The following TANC2 variants were observed in gnomAD, a reference collection of about 807,000 sequenced individuals.
TANC2 encodes the protein protein TANC2.
TANC2 carries 26 observed loss-of-function variants against 210.5 expected under a neutral mutation model. The observed-to-expected ratio is 0.12, with a 90% CI of 0.09 to 0.17. The LOEUF is 0.17. Among genes scored for constraint, TANC2 ranks in the 10% least tolerant of loss-of-function variants. The pLI is 1.00. For missense variants in TANC2, 2,129 were observed against 2,608.9 expected, an observed-to-expected ratio of 0.82 and a Z score of 4.01; for synonymous variants, 931 against 967.1, an observed-to-expected ratio of 0.96 and a Z score of 0.69.
chr17:63,055,988 AAAATATATATATATATATAT>A lies in TANC2; in HGVS notation c.68-17953_68-17934del, dbSNP rs1337649779. On this transcript the variant is annotated intron_variant, in intron 2 of 27. Transcript: ENST00000689528. ...ACCAAAAAAAAAAAAAAAAAAAAAA[AAAATATATATATATATATAT>A]ATATATATATATATATGCCAGGGGT... Among the ~76,000 whole-genome samples, 58 of 8,972 alleles carry A rather than the reference AAAATATATATATATATATAT, an allele frequency of 6.5e-3. No homozygotes were observed. In the East Asian group the frequency reaches 0.21, roughly 32 times the overall value. 5.9% of individuals were successfully genotyped at this position (8,972 alleles called of 152,430 possible). A position where few individuals can be genotyped will look rare whatever the true frequency, so the allele number is the denominator to read the frequency against.
At chr17:63,411,446 G>C in intron 21 of TANC2, 65 bp from the exon 22 acceptor site, 1 of 1,489,630 alleles carries the variant, frequency 6.7e-7, no homozygotes, top group Non-Finnish European at 9.1e-7. Context: ...CCCCTTCAGC[G>C]TACTTCCCCT....
intron 3 of TANC2, among the ~76,000 whole-genome samples, chr17:63,081,240 T>A (rs2036759793): frequency 6.6e-6 from 1 of 151,744 alleles, no homozygotes. Flanking sequence ...AGCCCCAACT[T>A]GAGGCCAATA....
intron 18 of TANC2, among the ~76,000 whole-genome samples, chr17:63,397,573 G>A (rs2048208377): frequency 6.6e-6 from 1 of 152,090 alleles, no homozygotes; most frequent in Non-Finnish European, 1.5e-5. Context: ...ATGAAGCCCT[G>A]ATTTATAATG....
intron 4 of TANC2, among the ~76,000 whole-genome samples, chr17:63,125,602 A>G (rs1445348049): frequency 1.3e-5 from 2 of 152,190 alleles, no homozygotes; most frequent in African/African-American, 2.4e-5. Context: ...TAATATTGTA[A>G]CCATTAATGT....
At chr17:63,398,524 A>G (rs946486043) in intron 18 of TANC2, among the ~76,000 whole-genome samples, 1 of 151,982 alleles carries the variant, frequency 6.6e-6, no homozygotes, top group Non-Finnish European at 1.5e-5. Context: ...GCTTTTTTAT[A>G]GGGAGGAGGA....
chr17:62,979,150 G>T (rs1362824555), intron 1 of TANC2, among the ~76,000 whole-genome samples: 3 of 151,858 alleles, frequency 2.0e-5, no homozygotes, highest in Non-Finnish European at 2.9e-5. Context: ...CTTTATAAGT[G>T]TCTTCTATAC....
intron 3 of TANC2, among the ~76,000 whole-genome samples, chr17:63,095,733 G>A (rs779788563): frequency 6.6e-6 from 1 of 152,042 alleles, no homozygotes; most frequent in Non-Finnish European, 1.5e-5. Context: ...TTTTGAAATC[G>A]CTATTTACCC....
intron 9 of TANC2, among the ~76,000 whole-genome samples, chr17:63,279,839 A>C (rs1475416413): frequency 2.6e-5 from 4 of 152,092 alleles, no homozygotes; most frequent in African/African-American, 9.7e-5. Flanking sequence ...TAAAAGTTTT[A>C]GATCAAATTC....
chr17:63,031,219 C>A (rs2034757444), intron 2 of TANC2, among the ~76,000 whole-genome samples: 1 of 151,994 alleles, frequency 6.6e-6, no homozygotes, highest in Admixed American at 6.6e-5. Context: ...TAATTTCTTT[C>A]CTAAATGTAT....
chr17:63,214,796 C>T (rs2041980038), intron 7 of TANC2, among the ~76,000 whole-genome samples: 1 of 152,156 alleles, frequency 6.6e-6, no homozygotes, highest in Admixed American at 6.5e-5. Flanking sequence ...ATAGCAGATG[C>T]CAAACCCAGT....
At chr17:63,047,522 T>C (rs2035429865) in intron 2 of TANC2, among the ~76,000 whole-genome samples, 2 of 152,118 alleles carry the variant, frequency 1.3e-5, no homozygotes, top group African/African-American at 4.8e-5. Flanking sequence ...GGAGCTCTGT[T>C]GGAGAGTATC....
chr17:63,027,989 C>T (rs1166516142), intron 2 of TANC2, among the ~76,000 whole-genome samples: 1 of 151,670 alleles, frequency 6.6e-6, no homozygotes, highest in African/African-American at 2.4e-5. Flanking sequence ...AATAGGTTAA[C>T]TTACTTTTTT....
intron 5 of TANC2, among the ~76,000 whole-genome samples, chr17:63,178,968 A>G (rs2040685241): frequency 6.6e-6 from 1 of 152,166 alleles, no homozygotes; most frequent in African/African-American, 2.4e-5. Context: ...ACTTTTTTCA[A>G]ATGTTGTAAA....
intron 11 of TANC2, among the ~76,000 whole-genome samples, chr17:63,319,491 C>T (rs1370367025): frequency 6.6e-6 from 1 of 152,152 alleles, no homozygotes; most frequent in Non-Finnish European, 1.5e-5. Flanking sequence ...GCTGGGACTA[C>T]AGGTGCGTGC....
At chr17:63,124,202 C>T (rs1460793569) in intron 4 of TANC2, among the ~76,000 whole-genome samples, 1 of 151,774 alleles carries the variant, frequency 6.6e-6, no homozygotes, top group Non-Finnish European at 1.5e-5. Context: ...GAGATCAGAG[C>T]TCCAACTTAG....
rs576644996 is a variant in TANC2 at position 63,341,139 on chromosome 17, A to C, written c.1807+807A>C. Among the ~76,000 whole-genome samples, 25 of 152,340 alleles carry C rather than the reference A, an allele frequency of 1.6e-4. No individual in the cohort carries two copies. In the South Asian group the frequency reaches 4.1e-3, roughly 25 times the overall value. Reference sequence around the variant, plus strand: ...CTGAGAGACTTAGACACCTTTCTCAAGGGCTTTGGAGGCACTAATAAGGAA... The same window carrying C: ...CTGAGAGACTTAGACACCTTTCTCACGGGCTTTGGAGGCACTAATAAGGAA... On this transcript the variant is annotated intron_variant, in intron 12 of 27. Coordinates refer to ENST00000689528, the Ensembl canonical transcript of TANC2.
chr17:63,320,177 G>A (rs2045450505), intron 11 of TANC2, among the ~76,000 whole-genome samples: 1 of 151,748 alleles, frequency 6.6e-6, no homozygotes, highest in African/African-American at 2.4e-5. Context: ...TTTTCCTAGG[G>A]GTTTATGAAA....
intron 4 of TANC2, among the ~76,000 whole-genome samples, chr17:63,105,223 C>G (rs2037781040): frequency 6.6e-6 from 1 of 151,636 alleles, no homozygotes; most frequent in Non-Finnish European, 1.5e-5. Flanking sequence ...GCCTGATTTT[C>G]AAAGTATTTG....
intron 11 of TANC2, among the ~76,000 whole-genome samples, chr17:63,326,425 C>G (rs1010289724): frequency 6.6e-6 from 1 of 152,140 alleles, no homozygotes; most frequent in Non-Finnish European, 1.5e-5. Context: ...TGGAAGAAAA[C>G]TTAGTAACTT....
Sources: allele counts gnomAD v4.1 joint callset (sites outside exome capture counted in the v4.1 genomes callset), GRCh38; gene constraint gnomAD v4.1.1; transcripts MANE v1.5; gene names NCBI Gene and HGNC (gene_info 2026-07-23, HGNC 2026-07-21).